TYW1B: variants seen among roughly 807,000 people sequenced by gnomAD.
TYW1B encodes tRNA-yW synthesizing protein 1 homolog B, also known as S-adenosyl-L-methionine-dependent tRNA 4-demethylwyosine synthase TYW1B.
Under a neutral mutation model 86.9 loss-of-function variants are expected in TYW1B, and 73 were observed. The ratio of observed to expected loss-of-function variants is 0.84; its 90% CI spans 0.70 to 1.02. The LOEUF (loss-of-function observed/expected upper bound fraction) is 1.02. TYW1B is among the 50% of genes least tolerant of loss of function. The pLI is 0.00. For synonymous variants in TYW1B, 248 were observed against 292.8 expected (o/e 0.85, Z 1.56); for missense variants, 637 against 827.4 (o/e 0.77, Z 2.82).
chr7:72,681,791 T>C (rs1813881141), intron 11 of TYW1B, among the ~76,000 whole-genome samples: 2 of 151,580 alleles, frequency 1.3e-5, no homozygotes, highest in South Asian at 4.2e-4. Context: ...TTCACCGTGT[T>C]AGCCAGGATG....
intron 13 of TYW1B, among the ~76,000 whole-genome samples, chr7:72,608,696 CCA>C (rs1410791031): frequency 1.3e-5 from 2 of 152,152 alleles, no homozygotes; most frequent in Non-Finnish European, 2.9e-5. Flanking sequence ...AAAACATATA[CCA>C]TGCAAACACT....
chr7:72,629,193 G>A (rs1292104648), intron 11 of TYW1B, among the ~76,000 whole-genome samples, 196 bp from the exon 12 acceptor site: 1 of 152,144 alleles, frequency 6.6e-6, no homozygotes, highest in Non-Finnish European at 1.5e-5. Context: ...CCTTATGGAA[G>A]GCACATGAGA....
At chr7:72,743,678 T>C (rs1196137186) in intron 8 of TYW1B, among the ~76,000 whole-genome samples, 1 of 151,846 alleles carries the variant, frequency 6.6e-6, no homozygotes, top group African/African-American at 2.4e-5. Context: ...ACCCCATCTC[T>C]ACTAAAAATA....
chr7:72,637,838 C>T (rs1158359124), intron 11 of TYW1B, among the ~76,000 whole-genome samples: 9 of 150,512 alleles, frequency 6.0e-5, no homozygotes, highest in Non-Finnish European at 1.0e-4. Flanking sequence ...AAAATATTTT[C>T]ATTGGGAACA....
chr7:72,780,217 G>A (rs782036505), intron 6 of TYW1B, among the ~76,000 whole-genome samples: 27 of 152,042 alleles, frequency 1.8e-4, no homozygotes, highest in Non-Finnish European at 3.4e-4. Context: ...CGATCCTCCC[G>A]CCTCAGCTAC....
intron 7 of TYW1B, among the ~76,000 whole-genome samples, chr7:72,766,344 G>T (rs1268202285): frequency 6.6e-6 from 1 of 151,412 alleles, no homozygotes; most frequent in East Asian, 1.9e-4. Flanking sequence ...GGCCAGGCGC[G>T]GTGGCTCACG....
At chr7:72,795,478 A>G (rs1788289296) in intron 6 of TYW1B, among the ~76,000 whole-genome samples, 1 of 152,168 alleles carries the variant, frequency 6.6e-6, no homozygotes, top group Admixed American at 6.6e-5. Flanking sequence ...TTGTTTCCCC[A>G]TGATGAGATT....
At position 72,794,542 on chromosome 7, in the gene TYW1B, C is replaced by T. The variant is rs565731021; in HGVS notation, c.846+7858G>A. ...CTGCACCCCAGCCTGGATGAGACAG[C>T]GAGATTCTGTCTCAAAAAAAAAAAA... On this transcript the variant is annotated intron_variant, in intron 6 of 13. Transcript: ENST00000620995. Among the ~76,000 whole-genome samples, 9 of 150,386 alleles carry T rather than the reference C, an allele frequency of 6.0e-5. No individual in the cohort carries two copies. The East Asian group carries it at 1.6e-3, about 26-fold the overall frequency.
intron 6 of TYW1B, among the ~76,000 whole-genome samples, chr7:72,788,245 T>C (rs1282423345): frequency 3.3e-5 from 5 of 151,958 alleles, no homozygotes; most frequent in East Asian, 1.9e-4. Flanking sequence ...TCCCAAAGGA[T>C]TGGGATTACA....
intron 13 of TYW1B, among the ~76,000 whole-genome samples, chr7:72,602,501 G>A (rs567060361): frequency 3.2e-4 from 49 of 152,230 alleles, no homozygotes; most frequent in Admixed American, 1.1e-3. Flanking sequence ...TAAAAAGACA[G>A]CCCAACAATG....
intron 2 of TYW1B, among the ~76,000 whole-genome samples, chr7:72,825,603 T>C (rs1469427267): frequency 6.6e-6 from 1 of 152,044 alleles, no homozygotes; most frequent in African/African-American, 2.4e-5. Flanking sequence ...TTGCTTGAGG[T>C]GGAGGTGGAG....
intron 9 of TYW1B, among the ~76,000 whole-genome samples, chr7:72,717,604 C>T (rs1308478066): frequency 1.2e-4 from 18 of 151,410 alleles, no homozygotes; most frequent in African/African-American, 2.9e-4. Flanking sequence ...AGTCATTCTC[C>T]GGGTATGTTT....
chr7:72,713,504 C>T, intron 10 of TYW1B, 117 bp downstream of exon 10: 2 of 1,083,840 alleles, frequency 1.8e-6, no homozygotes, highest in Non-Finnish European at 2.6e-6. Flanking sequence ...CAAAGCCCAA[C>T]ATTTGTATGT....
chr7:72,635,420 T>G (rs1439043215), intron 11 of TYW1B, among the ~76,000 whole-genome samples: 1 of 152,180 alleles, frequency 6.6e-6, no homozygotes, highest in Non-Finnish European at 1.5e-5. Flanking sequence ...TGAGAAAATT[T>G]TTTGGTTTTC....
intron 10 of TYW1B, among the ~76,000 whole-genome samples, chr7:72,696,402 C>T (rs1156310433): frequency 1.3e-5 from 2 of 152,182 alleles, no homozygotes; most frequent in East Asian, 3.8e-4. Context: ...AAGGATTCCA[C>T]AATTTATTCC....
At chr7:72,797,906 C>G (rs1308975275) in intron 6 of TYW1B, among the ~76,000 whole-genome samples, 1 of 151,912 alleles carries the variant, frequency 6.6e-6, no homozygotes, top group Non-Finnish European at 1.5e-5. Flanking sequence ...TAGGACATAT[C>G]AGAATTGAAT....
intron 12 of TYW1B, among the ~76,000 whole-genome samples, chr7:72,617,172 A>G (rs1554437084): frequency 6.6e-6 from 1 of 152,198 alleles, no homozygotes; most frequent in Non-Finnish European, 1.5e-5. Context: ...TCTGTGCACT[A>G]TAATTGAGGA....
rs145958508 is a variant in TYW1B, at chr7:72,656,332, T to C, written c.1507-27335A>G. ...GTCTTTGCCTCTGAAAGCTAATCCA[T>C]AAAATTGGAAGAAGGGATCATTAAA... is the stretch of plus-strand genomic sequence containing the variant. On this transcript the variant is annotated intron_variant, in intron 11 of 13. Transcript: ENST00000620995. Among the ~76,000 whole-genome samples the C allele has an allele frequency of 6.3e-3, 958 of 152,076 alleles. 13 individuals carry two copies. Among genetic ancestry groups the C allele is most frequent in the African/African-American group, 0.022 (892 of 41,482 alleles).
At chr7:72,631,741 T>A (rs187522641) in intron 11 of TYW1B, among the ~76,000 whole-genome samples, 184 of 151,310 alleles carry the variant, frequency 1.2e-3, no homozygotes, top group African/African-American at 3.9e-3. Context: ...TACCAAAAAA[T>A]ATATATATAT....
Sources: allele counts gnomAD v4.1 joint callset (sites outside exome capture counted in the v4.1 genomes callset), GRCh38; gene constraint gnomAD v4.1.1; transcripts MANE v1.5; gene names NCBI Gene and HGNC (gene_info 2026-07-23, HGNC 2026-07-21).